The following APPL1 variants were observed in gnomAD, a reference collection of about 807,000 sequenced individuals.
APPL1 encodes the protein adaptor protein, phosphotyrosine interacting with PH domain and leucine zipper 1.
Under a neutral mutation model 106.8 loss-of-function variants are expected in APPL1, and 42 were observed. The observed-to-expected ratio is 0.39, with a 90% CI of 0.31 to 0.51. The LOEUF (loss-of-function observed/expected upper bound fraction) is 0.51. Among genes scored for constraint, APPL1 ranks in the 20% least tolerant of loss-of-function variants. APPL1 has a pLI of 0.75. For synonymous variants in APPL1, 263 were observed against 281.8 expected (o/e 0.93, Z 0.67); for missense variants, 769 against 858.2 (o/e 0.90, Z 1.30).
intron 7 of APPL1, among the ~76,000 whole-genome samples, chr3:57,245,481 T>C (rs2060767700): frequency 6.6e-6 from 1 of 152,100 alleles, no homozygotes; most frequent in African/African-American, 2.4e-5. Flanking sequence ...GTAAGCTTTC[T>C]CTGCCATGCT....
In APPL1 at chr3:57,237,521, C is replaced by T. The variant is rs1267202655; in HGVS notation, c.183C>T (p.Thr61=). 1 of 1,602,614 alleles carries T rather than the reference C, an allele frequency of 6.2e-7. No individual in the cohort carries two copies. The highest frequency in any genetic ancestry group is 1.7e-5 in the Admixed American group (1 of 58,908). Residue 61 remains threonine (T), a synonymous_variant, in exon 3 of 22, where the codon ACC becomes ACT. Transcript: ENST00000288266. ...AATTAAGTGCAGCAACACACCTGAC[C>T]TCAAAACTTTTAAAAGAATATGAAA... The part of the protein sequence containing the change: ...QNELSAATHL[T]SKLLKEYEKQ...
intron 19 of APPL1, among the ~76,000 whole-genome samples, chr3:57,267,389 G>A (rs1486154450): frequency 6.6e-6 from 1 of 152,078 alleles, no homozygotes. Flanking sequence ...TTTATGTTGG[G>A]AACCAAACAT....
chr3:57,229,898 G>A (rs1164853962), intron 1 of APPL1, among the ~76,000 whole-genome samples: 5 of 151,966 alleles, frequency 3.3e-5, no homozygotes, highest in Non-Finnish European at 7.4e-5. Flanking sequence ...ACTTTTTGTA[G>A]AGACGGGGTT....
intron 19 of APPL1, among the ~76,000 whole-genome samples, chr3:57,264,573 T>A (rs9856260): frequency 2.1e-5 from 3 of 145,718 alleles, no homozygotes; most frequent in South Asian, 2.1e-4. Context: ...TAAAAAAAAA[T>A]AAAAAAAATA....
At chr3:57,253,894 G>T (rs1156349477) in intron 13 of APPL1, among the ~76,000 whole-genome samples, 156 bp downstream of exon 13, 2 of 135,348 alleles carry the variant, frequency 1.5e-5, no homozygotes, top group African/African-American at 5.6e-5. Context: ...ACAGAGTCTC[G>T]CCCCATTGCC....
chr3:57,237,441 A>C, intron 2 of APPL1, 51 bp from the exon 3 acceptor site: 1 of 1,362,612 alleles, frequency 7.3e-7, no homozygotes. Flanking sequence ...AATTAGAAAA[A>C]ACTAAAACTT....
In APPL1 at chr3:57,249,474, C is replaced by T. The variant is rs763557303; in HGVS notation, c.978C>T (p.Asp326=). 1 of 1,614,122 alleles carries T rather than the reference C, an allele frequency of 6.2e-7. No homozygotes were observed. Among genetic ancestry groups the T allele is most frequent in the South Asian group, 1.1e-5 (1 of 91,070 alleles). The change falls in exon 11 of 22, where the codon GAC becomes GAT. Residue 326 remains aspartate, a synonymous_variant. Transcript: ENST00000288266. ...CAGGAGGCCTGGCCATGGACATAGA[C>T]AACTGTTCAGTGATGGCTGTGGACT... ...DVAGGLAMDI[D]NCSVMAVDCE...
In APPL1 at chr3:57,269,939, C is replaced by CT. The variant is rs2060924604; in HGVS notation, c.*253dup. On this transcript the variant is annotated 3_prime_UTR_variant, in exon 22 of 22. Coordinates refer to ENST00000288266, the MANE Select transcript of APPL1 (RefSeq NM_012096.3). ...CTGCTCATCTCCCTGAAGCAGACTG[C>CT]TGAGGAATTACATTTGCTCAAGAAT... 7.0e-6 allele frequency: 2 copies of CT among 284,932 alleles called. No homozygotes were observed. Among genetic ancestry groups the CT allele is most frequent in the Non-Finnish European group, 1.3e-5 (2 of 154,980 alleles). The allele number at this position is 284,932 out of a possible 1,614,324, so 17.7% of individuals were successfully genotyped here.
At chr3:57,257,883 G>A (rs1299443415) in intron 15 of APPL1, among the ~76,000 whole-genome samples, 1 of 152,162 alleles carries the variant, frequency 6.6e-6, no homozygotes, top group Non-Finnish European at 1.5e-5. Context: ...GTTGTATGAT[G>A]AATATTCTCA....
rs1270286246 is a variant in APPL1, at chr3:57,259,925, T to A, written c.1564T>A (p.Tyr522Asn). 2 of 1,613,910 alleles carry A rather than the reference T, an allele frequency of 1.2e-6. No individual in the cohort carries two copies. Among genetic ancestry groups the A allele is most frequent in the East Asian group, 2.2e-5 (1 of 44,872 alleles). ...VKSDDHPDVV[Y>N]ETMRQILAAR... The stretch of plus-strand genomic sequence containing the variant: ...ATCAGATGACCATCCAGATGTTGTT[T>A]ATGAAACTATGCGCCAAATCTTAGC... The change falls in exon 17 of 22, where the codon TAT becomes AAT. Residue 522 changes from tyrosine (Y) to asparagine (N), a missense_variant. Coordinates refer to ENST00000288266, the MANE Select transcript of APPL1 (RefSeq NM_012096.3).
At chr3:57,262,123 C>T (rs2060869540) in intron 19 of APPL1, among the ~76,000 whole-genome samples, 1 of 151,906 alleles carries the variant, frequency 6.6e-6, no homozygotes, top group Admixed American at 6.6e-5. Context: ...TTGATTTTTT[C>T]CCTGTTGAGT....
intron 12 of APPL1, among the ~76,000 whole-genome samples, chr3:57,253,324 A>G (rs2060815255): frequency 6.6e-6 from 1 of 152,136 alleles, no homozygotes; most frequent in African/African-American, 2.4e-5. Context: ...AAAAAGATAA[A>G]TATAGATTAT....
intron 15 of APPL1, chr3:57,258,738 T>C: frequency 3.7e-6 from 1 of 271,060 alleles, no homozygotes; most frequent in South Asian, 1.2e-4. Flanking sequence ...TGCTAGCTTA[T>C]TTAAATTCAA....
chr3:57,253,216 G>T lies in APPL1; in HGVS notation c.1096-466G>T, dbSNP rs919051336. Among the ~76,000 whole-genome samples the T allele has an allele frequency of 5.9e-5, 9 of 152,048 alleles. No individual in the cohort carries two copies. The East Asian group carries it at 1.5e-3, about 26-fold the overall frequency. On this transcript the variant is annotated intron_variant, in intron 12 of 21. Coordinates refer to ENST00000288266, the MANE Select transcript of APPL1 (RefSeq NM_012096.3). ...GAGGCATGTAAAATATATTCACCAAGAATATATTTATCTTTTAAATTTTTT... is the reference window on the plus strand; with the variant it reads ...GAGGCATGTAAAATATATTCACCAATAATATATTTATCTTTTAAATTTTTT...
chr3:57,249,434 C>A lies in APPL1; in HGVS notation c.938C>A (p.Ala313Asp), dbSNP rs771164972. 6.2e-7 allele frequency: 1 copy of A among 1,614,124 alleles called. No homozygotes were observed. The highest frequency in any genetic ancestry group is 1.1e-5 in the South Asian group (1 of 91,066). The change falls in exon 11 of 22, where the codon GCC becomes GAC. Residue 313 changes from alanine to aspartate, a missense_variant. Physicochemically the swap from Ala to Asp is moderately radical, Grantham distance 126. Coordinates refer to ENST00000288266, the MANE Select transcript of APPL1 (RefSeq NM_012096.3). ...FTQGGNLMSQARGDVAGGLAM... is the reference protein window; with the variant it reads ...FTQGGNLMSQDRGDVAGGLAM... ...CAGGGTGGAAATTTAATGAGTCAGGCCCGTGGGGATGTAGCAGGAGGCCTG... is the reference window on the plus strand; with the variant it reads ...CAGGGTGGAAATTTAATGAGTCAGGACCGTGGGGATGTAGCAGGAGGCCTG...
At chr3:57,239,859 G>C (rs1160901586) in intron 4 of APPL1, among the ~76,000 whole-genome samples, 1 of 152,086 alleles carries the variant, frequency 6.6e-6, no homozygotes, top group Non-Finnish European at 1.5e-5. Flanking sequence ...TTTAGTTTGT[G>C]TGTATTTAAA....
In APPL1 at chr3:57,247,492, C is replaced by T. The variant is rs530605348; in HGVS notation, c.704+15C>T. The T allele has an allele frequency of 7.9e-6, 12 of 1,510,246 alleles. No homozygotes were observed. The South Asian group carries it at 1.2e-4, about 14-fold the overall frequency. 93.6% of individuals were successfully genotyped at this position (1,510,246 alleles called of 1,614,324 possible). On this transcript the variant is annotated intron_variant, in intron 9 of 21. Coordinates refer to ENST00000288266, the MANE Select transcript of APPL1 (RefSeq NM_012096.3). ...AGCGTTCAGAAGTAAGTATTTTTTT[C>T]CTTAAAATTGAAAATGAAATGATGT...
chr3:57,268,062 C>T (rs977123091), intron 20 of APPL1: 24 of 520,502 alleles, frequency 4.6e-5, no homozygotes, highest in Non-Finnish European at 7.1e-5. Context: ...CACTGCACTC[C>T]AGCCTGGGCA....
Position 57,268,092 on chromosome 3 carries a change from C to CA in APPL1, c.1894-294dup, listed in dbSNP as rs763894298. On this transcript the variant is annotated intron_variant, in intron 20 of 21. Transcript: ENST00000288266. The stretch of plus-strand genomic sequence containing the variant: ...TGGGCAACAGAGCGAGACTGTATCT[C>CA]AAAAAAAAAAAAGGAATCCAAGATG... The CA allele has an allele frequency of 0.072, 25,985 of 361,356 alleles. 1,326 individuals carry two copies. Among genetic ancestry groups the CA allele is most frequent in the African/African-American group, 0.26 (11,792 of 44,582 alleles). 22.4% of individuals were successfully genotyped at this position (361,356 alleles called of 1,614,324 possible). A position where few individuals can be genotyped will look rare whatever the true frequency, so the allele number is the denominator to read the frequency against.
Sources: gnomAD v4.1 joint callset for allele counts (sites outside exome capture counted in the v4.1 genomes callset) on GRCh38, gnomAD v4.1.1 for gene constraint, MANE v1.5 for transcripts, NCBI Gene and HGNC (gene_info 2026-07-23, HGNC 2026-07-21) for gene names.